SFMBT2: variants seen among roughly 807,000 people sequenced by gnomAD.
SFMBT2 encodes Scm like with four mbt domains 2, also known as scm-like with four MBT domains protein 2.
SFMBT2 carries 38 observed loss-of-function variants against 110.1 expected under a neutral mutation model. The observed-to-expected ratio is 0.35, with a 90% CI of 0.27 to 0.45. The LOEUF is 0.45. Ranked by LOEUF, SFMBT2 falls within the 20% of genes least tolerant of loss-of-function variation. SFMBT2 has a pLI of 1.00. For missense variants in SFMBT2, 1,011 were observed against 1,094.9 expected, an observed-to-expected ratio of 0.92 and a Z score of 1.08; for synonymous variants, 425 against 425.4, an observed-to-expected ratio of 1.00 and a Z score of 0.01.
At chr10:7,178,156 G>A (rs1011079710) in intron 16 of SFMBT2, among the ~76,000 whole-genome samples, 2 of 152,134 alleles carry the variant, frequency 1.3e-5, no homozygotes, top group African/African-American at 4.8e-5. Context: ...GGGGACCCCC[G>A]GACTGCCTGC....
Position 7,172,775 on chromosome 10 carries a change from C to T in SFMBT2, c.1985-114G>A. 1 of 1,286,512 alleles carries T rather than the reference C, an allele frequency of 7.8e-7. No homozygotes were observed. The highest frequency in any genetic ancestry group is 1.1e-6 in the Non-Finnish European group (1 of 942,804). The allele number at this position is 1,286,512 out of a possible 1,614,324, so 79.7% of individuals were successfully genotyped here. A position where few individuals can be genotyped will look rare whatever the true frequency, so the allele number is the denominator to read the frequency against. ...CTTTCATCTGATAGTTCATTTGTGC[C>T]TTACGAAGTCATTCTGAGAAAACAG... On this transcript the variant is annotated intron_variant, in intron 17 of 20. Transcript: ENST00000397167. This position sits in a 1 kb window ranked among gnomAD's most constrained non-coding sequence, Gnocchi z 4.6.
At chr10:7,275,296 G>T (rs1158483573) in intron 7 of SFMBT2, among the ~76,000 whole-genome samples, 1 of 152,222 alleles carries the variant, frequency 6.6e-6, no homozygotes, top group East Asian at 1.9e-4. Context: ...AAGGGTGAAG[G>T]ATGTGATTGG....
In SFMBT2 at chr10:7,172,681, A is replaced by T. The variant is rs1340923342; in HGVS notation, c.1985-20T>A. 1.2e-6 allele frequency: 2 copies of T among 1,605,686 alleles called. No individual in the cohort carries two copies. Among genetic ancestry groups the T allele is most frequent in the Admixed American group, 3.4e-5 (2 of 58,992 alleles). ...AATAGGCTGTAGGAAGGAAGATGAG[A>T]AACTTTTGAAGGCTATACACACACA... On this transcript the variant is annotated intron_variant, in intron 17 of 20. Transcript: ENST00000397167. The surrounding 1 kb of genome is among the most constrained non-coding windows in gnomAD (Gnocchi z 4.6).
intron 2 of SFMBT2, among the ~76,000 whole-genome samples, chr10:7,379,682 C>A (rs896851041): frequency 6.6e-6 from 1 of 152,072 alleles, no homozygotes; most frequent in Non-Finnish European, 1.5e-5. Context: ...ATGTTAAGAT[C>A]ATTTAGAGCC....
intron 4 of SFMBT2, among the ~76,000 whole-genome samples, chr10:7,316,112 A>T (rs1057019480): frequency 6.6e-6 from 1 of 152,222 alleles, no homozygotes; most frequent in Non-Finnish European, 1.5e-5. Flanking sequence ...TGAAGAGCCA[A>T]AACGCATGAC....
In SFMBT2 at chr10:7,301,639, TGA is replaced by T. The variant is rs1307515677; in HGVS notation, c.437-15687_437-15686del. On this transcript the variant is annotated intron_variant, in intron 4 of 20. Transcript: ENST00000397167. The surrounding 1 kb of genome is among the most constrained non-coding windows in gnomAD (Gnocchi z 4.2). ...CCACAGGACAAACCAGAGACTGCAA[TGA>T]GAGGGAGGAGCTGCAGCTCCAAGTT... Among the ~76,000 whole-genome samples the T allele has an allele frequency of 6.6e-6, 1 of 151,990 alleles. No homozygotes were observed. Among genetic ancestry groups the T allele is most frequent in the Non-Finnish European group, 1.5e-5 (1 of 67,988 alleles).
At chr10:7,199,244 G>A (rs1157267523) in intron 14 of SFMBT2, among the ~76,000 whole-genome samples, 1 of 152,180 alleles carries the variant, frequency 6.6e-6, no homozygotes, top group Non-Finnish European at 1.5e-5. Flanking sequence ...CTTCCAAAGT[G>A]CTGGAATTAC....
chr10:7,340,884 G>A (rs1012210845), intron 4 of SFMBT2, among the ~76,000 whole-genome samples: 1 of 151,814 alleles, frequency 6.6e-6, no homozygotes, highest in Admixed American at 6.6e-5. Context: ...ATTCTTTGGG[G>A]TACACAGAAA....
chr10:7,382,393 G>C (rs891289592), intron 1 of SFMBT2, among the ~76,000 whole-genome samples: 1 of 152,132 alleles, frequency 6.6e-6, no homozygotes, highest in Non-Finnish European at 1.5e-5. Context: ...CTGTGAAACA[G>C]AGTGAGGCTT....
At position 7,172,117 on chromosome 10, in the gene SFMBT2, G is replaced by A. The variant is rs749799350; in HGVS notation, c.2193C>T (p.Thr731=). Residue 731 remains threonine, a synonymous_variant, in exon 19 of 21, where the codon ACC becomes ACT. Transcript: ENST00000397167. This position sits in a 1 kb window ranked among gnomAD's most constrained non-coding sequence, Gnocchi z 4.6. ...GCTCGGAGCCGGTCTCCTCACTGGC[G>A]GTGTCATCGTCCATGGCGTCAGCGT... ...EEDADAMDDD[T]ASEETGSELR... is the part of the protein sequence containing the mutation. The A allele has an allele frequency of 3.2e-5, 50 of 1,586,968 alleles. No homozygotes were observed. The highest frequency in any genetic ancestry group is 1.7e-4 in the Middle Eastern group (1 of 5,962).
intron 9 of SFMBT2, among the ~76,000 whole-genome samples, chr10:7,230,344 C>T (rs1840081040): frequency 6.6e-6 from 1 of 152,212 alleles, no homozygotes; most frequent in Non-Finnish European, 1.5e-5. Flanking sequence ...CTGAATACAA[C>T]AGAACACATC....
intron 11 of SFMBT2, among the ~76,000 whole-genome samples, chr10:7,214,000 G>A (rs1307100911): frequency 6.6e-6 from 1 of 152,116 alleles, no homozygotes; most frequent in Non-Finnish European, 1.5e-5. Context: ...AGGAGCCAAC[G>A]GTGGGAAGTG....
intron 4 of SFMBT2, among the ~76,000 whole-genome samples, chr10:7,351,921 T>C (rs1356981697): frequency 6.6e-6 from 1 of 151,952 alleles, no homozygotes; most frequent in Non-Finnish European, 1.5e-5. Flanking sequence ...ACTTTCCACA[T>C]GACAGGTTAC....
At chr10:7,299,326 C>G (rs1400745302) in intron 4 of SFMBT2, among the ~76,000 whole-genome samples, 1 of 152,044 alleles carries the variant, frequency 6.6e-6, no homozygotes, top group Non-Finnish European at 1.5e-5. Flanking sequence ...AAAATTTTTG[C>G]AATCTACCCG....
chr10:7,214,513 CCTGAG>C (rs1274706812), intron 11 of SFMBT2: 1 of 955,796 alleles, frequency 1.0e-6, no homozygotes, highest in Non-Finnish European at 1.2e-6. Context: ...TAGATTTATT[CCTGAG>C]CTATCACTGC....
At chr10:7,238,708 C>T (rs1382485388) in intron 9 of SFMBT2, among the ~76,000 whole-genome samples, 1 of 152,192 alleles carries the variant, frequency 6.6e-6, no homozygotes, top group African/African-American at 2.4e-5. Flanking sequence ...TTGCTCACAC[C>T]TTTTACAGCA....
At chr10:7,213,445 T>C (rs758485328) in intron 11 of SFMBT2, among the ~76,000 whole-genome samples, 1 of 151,626 alleles carries the variant, frequency 6.6e-6, no homozygotes, top group Non-Finnish European at 1.5e-5. Flanking sequence ...AGGTCCGGAC[T>C]GAAGTGACTC....
chr10:7,200,063 A>C (rs1452046543), intron 14 of SFMBT2, among the ~76,000 whole-genome samples: 1 of 152,216 alleles, frequency 6.6e-6, no homozygotes, highest in Non-Finnish European at 1.5e-5. Flanking sequence ...ACGGAAATAA[A>C]ATATCAAAAA....
intron 6 of SFMBT2, among the ~76,000 whole-genome samples, chr10:7,278,582 G>A (rs1295995149): frequency 9.9e-5 from 15 of 152,212 alleles, no homozygotes; most frequent in Admixed American, 9.8e-4. Flanking sequence ...TGGGCAGGCA[G>A]ATGGAGAGTT....
Sources: gnomAD v4.1 joint callset for allele counts (sites outside exome capture counted in the v4.1 genomes callset) on GRCh38, gnomAD v4.1.1 for gene constraint, Gnocchi (gnomAD v3.1) non-coding constraint, MANE v1.5 for transcripts, NCBI Gene and HGNC (gene_info 2026-07-23, HGNC 2026-07-21) for gene names.